Variants in GLT6D1 observed in about 807,000 individuals in gnomAD.
The protein encoded by GLT6D1 is putative glycosyltransferase 6 domain-containing protein 1.
A neutral mutation model predicts 12.3 loss-of-function variants in GLT6D1; 9 were observed. That is an observed-to-expected ratio of 0.73 (90% confidence interval 0.44 to 1.27). GLT6D1 has a LOEUF of 1.27. Ranked by LOEUF, GLT6D1 falls within the 50% of genes most tolerant of loss-of-function variation. The pLI is 0.00. For missense variants in GLT6D1, 335 were observed against 346.2 expected (o/e 0.97, Z 0.26); for synonymous variants, 128 against 132.3 (o/e 0.97, Z 0.23).
At chr9:135,629,457 GA>G (rs938932343) in intron 3 of GLT6D1, among the ~76,000 whole-genome samples, 40 of 151,872 alleles carry the variant, frequency 2.6e-4, no homozygotes, top group African/African-American at 9.2e-4. Context: ...TTAGAATTTA[GA>G]AAAAAATGAT....
Position 135,623,824 on chromosome 9 carries a change from C to A in GLT6D1, c.*273G>T. The A allele has an allele frequency of 8.6e-6, 3 of 349,108 alleles. No homozygotes were observed. The highest frequency in any genetic ancestry group is 4.7e-5 in the South Asian group (1 of 21,462). The allele number at this position is 349,108 out of a possible 1,614,324, so 21.6% of individuals were successfully genotyped here. A position where few individuals can be genotyped will look rare whatever the true frequency, so the allele number is the denominator to read the frequency against. ...CTGTGTATTAACATTAAGTAATTAT[C>A]CTTTTATTCTTTATCCTACATTAGC... is the stretch of plus-strand genomic sequence containing the variant. On this transcript the variant is annotated 3_prime_UTR_variant, in exon 5 of 5. Transcript: ENST00000371763.
chr9:135,626,017 G>A, intron 4 of GLT6D1, 52 bp downstream of exon 4: 2 of 1,596,804 alleles, frequency 1.3e-6, no homozygotes, highest in Non-Finnish European at 1.7e-6. Flanking sequence ...GCTCGTGAAT[G>A]CTGATCCACA....
Position 135,624,453 on chromosome 9 carries a change from CG to C in GLT6D1, c.474del (p.Ile158MetfsTer73). The C allele has an allele frequency of 6.2e-7, 1 of 1,614,118 alleles. No homozygotes were observed. ...TCCACCTCGTCCTGGATGTGACTGG[CG>C]ATGTGTTCACCCAGGCTCTTCACAT... ...LVHVKSLGEH[I>X]ASHIQDEVDF... On this transcript the variant is annotated frameshift_variant, in exon 5 of 5. Coordinates refer to ENST00000371763, the MANE Select transcript of GLT6D1 (RefSeq NM_182974.3). LOFTEE classifies it low-confidence loss of function (END_TRUNC).
intron 3 of GLT6D1, among the ~76,000 whole-genome samples, chr9:135,629,341 TTTTTAA>T (rs1833586123): frequency 6.6e-6 from 1 of 152,184 alleles, no homozygotes; most frequent in South Asian, 2.1e-4. Flanking sequence ...ACCTTAAAAT[TTTTTAA>T]TTTCCCTTGT....
intron 3 of GLT6D1, among the ~76,000 whole-genome samples, chr9:135,630,995 C>T (rs191501931): frequency 2.0e-3 from 290 of 143,212 alleles, no homozygotes; most frequent in African/African-American, 7.0e-3. Flanking sequence ...AAAAAAAAGA[C>T]GGGTTACATT....
intron 2 of GLT6D1, among the ~76,000 whole-genome samples, 185 bp from the exon 3 acceptor site, chr9:135,631,663 G>A (rs541245564): frequency 1.3e-5 from 2 of 152,266 alleles, no homozygotes; most frequent in African/African-American, 4.8e-5. Flanking sequence ...CTAGGAAAGA[G>A]ATGTAGGGAA....
intron 3 of GLT6D1, among the ~76,000 whole-genome samples, chr9:135,626,673 T>C (rs1833527415): frequency 6.6e-6 from 1 of 152,198 alleles, no homozygotes; most frequent in South Asian, 2.1e-4. Context: ...CTCTGCTTTC[T>C]TTTTCTCTCT....
chr9:135,624,770 C>A, intron 4 of GLT6D1, 100 bp from the exon 5 acceptor site: 1 of 771,598 alleles, frequency 1.3e-6, no homozygotes, highest in Non-Finnish European at 1.9e-6. Context: ...CCCTCTGATG[C>A]CCAGGCTGGA....
At chr9:135,629,543 G>A (rs1298857051) in intron 3 of GLT6D1, among the ~76,000 whole-genome samples, 2 of 152,106 alleles carry the variant, frequency 1.3e-5, no homozygotes, top group Non-Finnish European at 2.9e-5. Flanking sequence ...GGCTTATCCT[G>A]GAGAATGTCT....
At position 135,625,520 on chromosome 9, in the gene GLT6D1, G is replaced by A. The variant is rs1833489664; in HGVS notation, c.257+549C>T. 2.0e-5 allele frequency among the ~76,000 whole-genome samples: 3 copies of A among 152,254 alleles called. No homozygotes were observed. In the South Asian group the frequency reaches 6.2e-4, roughly 32 times the overall value. ...AGTTGCCCTCACCCAAACCAAAAAA[G>A]TTTAGTCTAAGATAAAACTTTACTA... On this transcript the variant is annotated intron_variant, in intron 4 of 4. Transcript: ENST00000371763.
intron 2 of GLT6D1, among the ~76,000 whole-genome samples, chr9:135,636,067 A>G (rs11103117): frequency 0.21 from 31,929 of 152,164 alleles, 3,859 homozygotes; most frequent in South Asian, 0.31. Flanking sequence ...AACTCCACTC[A>G]TACCCAGCTG....
chr9:135,630,821 T>G (rs2119139840), intron 3 of GLT6D1, among the ~76,000 whole-genome samples: 1 of 152,280 alleles, frequency 6.6e-6, no homozygotes, highest in Admixed American at 6.5e-5. Context: ...CTGGTAATAC[T>G]TTAGTTTATG....
chr9:135,640,881 T>C (rs913176104), upstream of GLT6D1, among the ~76,000 whole-genome samples: 1 of 152,168 alleles, frequency 6.6e-6, no homozygotes, highest in African/African-American at 2.4e-5. Context: ...TCAAGATCAC[T>C]AGAAATGCCA....
chr9:135,632,270 C>A (rs1833666190), intron 2 of GLT6D1, among the ~76,000 whole-genome samples: 1 of 151,956 alleles, frequency 6.6e-6, no homozygotes, highest in Non-Finnish European at 1.5e-5. Flanking sequence ...GTAGCTGGGA[C>A]CACAGGGGTG....
intron 2 of GLT6D1, among the ~76,000 whole-genome samples, chr9:135,636,501 C>T (rs147881366): frequency 1.3e-5 from 2 of 152,268 alleles, no homozygotes; most frequent in African/African-American, 4.8e-5. Flanking sequence ...TAGGATACCT[C>T]GAACCTCCTA....
intron 3 of GLT6D1, among the ~76,000 whole-genome samples, chr9:135,627,790 T>C (rs1291172468): frequency 1.3e-5 from 2 of 152,190 alleles, no homozygotes; most frequent in African/African-American, 2.4e-5. Context: ...ACCAAAAGTA[T>C]ATGAAATTTC....
At chr9:135,635,788 T>C (rs961429894) in intron 2 of GLT6D1, among the ~76,000 whole-genome samples, 4 of 152,210 alleles carry the variant, frequency 2.6e-5, no homozygotes, top group African/African-American at 9.6e-5. Context: ...TCTCTGTTCA[T>C]AGTAAGGTAA....
intron 3 of GLT6D1, among the ~76,000 whole-genome samples, chr9:135,627,195 TG>T (rs1833542800): frequency 6.6e-6 from 1 of 151,922 alleles, no homozygotes; most frequent in African/African-American, 2.4e-5. Context: ...CGTCCCTATT[TG>T]CAGATTACAT....
At chr9:135,634,834 G>A (rs921026952) in intron 2 of GLT6D1, among the ~76,000 whole-genome samples, 10 of 151,902 alleles carry the variant, frequency 6.6e-5, no homozygotes, top group African/African-American at 9.7e-5. Context: ...GACTGCAGCC[G>A]CCTCTCAGAC....
Sources: gnomAD v4.1 joint callset for allele counts (sites outside exome capture counted in the v4.1 genomes callset) on GRCh38, gnomAD v4.1.1 for gene constraint, MANE v1.5 for transcripts, NCBI Gene and HGNC (gene_info 2026-07-23, HGNC 2026-07-21) for gene names.